The following LIPI variants were observed in gnomAD, a reference collection of about 807,000 sequenced individuals.
The protein encoded by LIPI is lipase I, also known as lipase member I.
LIPI carries 59 observed loss-of-function variants against 50.6 expected under a neutral mutation model. The observed-to-expected ratio is 1.16, with a 90% CI of 0.94 to 1.45. LIPI has a LOEUF of 1.45. Among genes scored for constraint, LIPI ranks in the 40% most tolerant of loss-of-function variants. LIPI has a pLI of 0.00. For missense variants in LIPI, 586 were observed against 536.3 expected (o/e 1.09, Z -0.92); for synonymous variants, 203 against 178.2 (o/e 1.14, Z -1.11).
At chr21:14,122,055 T>C (rs1487991225) in intron 9 of LIPI, among the ~76,000 whole-genome samples, 1 of 152,218 alleles carries the variant, frequency 6.6e-6, no homozygotes, top group East Asian at 1.9e-4. Flanking sequence ...TTTGCTGTCA[T>C]GCTATCTTTG....
chr21:14,206,933 C>T, intron 1 of LIPI: 1 of 1,553,400 alleles, frequency 6.4e-7, no homozygotes, highest in Non-Finnish European at 8.9e-7. Flanking sequence ...TAAATAAGAC[C>T]CTATCAGAAG....
In LIPI at chr21:14,189,131, T is replaced by C. The variant is rs778125047; in HGVS notation, c.335A>G (p.Asp112Gly). The change falls in exon 2 of 10, where the codon GAC (aspartate) becomes GGC (glycine). Residue 112 changes from aspartate (D) to glycine (G), a missense_variant. Asp to Gly is a moderately conservative substitution (Grantham distance 94, BLOSUM62 -1). Transcript: ENST00000681601. Reference sequence around the variant, plus strand: ...AAAAGTTGTAGCACCCCGGCTCCAGTCTACTACAATTACATTCATATCTTC... The same window carrying C: ...AAAAGTTGTAGCACCCCGGCTCCAGCCTACTACAATTACATTCATATCTTC... ...NEEDMNVIVV[D>G]WSRGATTFIY... 18 of 1,613,830 alleles carry C rather than the reference T, an allele frequency of 1.1e-5. No homozygotes were observed. The highest frequency in any genetic ancestry group is 2.2e-5 in the South Asian group (2 of 91,092).
intron 4 of LIPI, among the ~76,000 whole-genome samples, chr21:14,176,271 A>C (rs1487659787): frequency 6.6e-6 from 1 of 151,728 alleles, no homozygotes; most frequent in East Asian, 1.9e-4. Flanking sequence ...TGGCTTTTTA[A>C]ATCATCTGCA....
At chr21:14,208,619 T>C (rs1459237020) in intron 1 of LIPI, among the ~76,000 whole-genome samples, 1 of 131,250 alleles carries the variant, frequency 7.6e-6, no homozygotes, top group Non-Finnish European at 1.6e-5. Flanking sequence ...TAAAGTTGTA[T>C]TCGTGCACGT....
Position 14,128,967 on chromosome 21 carries a change from T to G in LIPI, c.1295+15656A>C, listed in dbSNP as rs374000066. 3.0e-4 allele frequency among the ~76,000 whole-genome samples: 46 copies of G among 152,146 alleles called. 2 individuals are homozygous for G. In the Middle Eastern group the frequency reaches 0.02, roughly 68 times the overall value. On this transcript the variant is annotated intron_variant, in intron 9 of 9. Coordinates refer to ENST00000681601, the MANE Select transcript of LIPI (RefSeq NM_001302998.2). ...TGAATAAAGAGTTTGAACAAGATGT[T>G]TAGAAAGTAGTAATAATACAAATTT...
At chr21:14,165,048 T>G (rs529926060) in intron 6 of LIPI, among the ~76,000 whole-genome samples, 175 bp downstream of exon 6, 1 of 152,268 alleles carries the variant, frequency 6.6e-6, no homozygotes, top group African/African-American at 2.4e-5. Flanking sequence ...TTAAAAATGT[T>G]TAGTAGGGAA....
intron 9 of LIPI, among the ~76,000 whole-genome samples, chr21:14,121,359 GTATTACCCAT>G (rs1380026718): frequency 6.6e-6 from 1 of 152,152 alleles, no homozygotes; most frequent in Non-Finnish European, 1.5e-5. Context: ...ATGGGATCAG[GTATTACCCAT>G]GGTCCTTCTC....
chr21:14,131,011 C>G (rs1169483096), intron 9 of LIPI, among the ~76,000 whole-genome samples: 5 of 152,172 alleles, frequency 3.3e-5, no homozygotes, highest in African/African-American at 1.2e-4. Context: ...AGTGCAGTGG[C>G]ACGATCTCAG....
At chr21:14,143,718 TATAAA>T (rs2017797970) in intron 9 of LIPI, 1 of 152,148 alleles carries the variant, frequency 6.6e-6, no homozygotes, top group East Asian at 1.9e-4. Context: ...ATGACCAACT[TATAAA>T]AGAGATTTTT....
At chr21:14,143,822 G>A (rs1415120155) in intron 9 of LIPI, 1 of 153,630 alleles carries the variant, frequency 6.5e-6, no homozygotes, top group Non-Finnish European at 1.5e-5. Flanking sequence ...TGTGGAACAA[G>A]GATAGTGGGA....
rs1204222123 is a variant in LIPI at position 14,165,434 on chromosome 21, C to G, written c.734-44G>C. On this transcript the variant is annotated intron_variant, in intron 5 of 9. Transcript: ENST00000681601. ...AACAAAGAACTGTAGATGTATTAAG[C>G]CATGTTCAAGTACATTTAAAAACAA... 25 of 1,423,544 alleles carry G rather than the reference C, an allele frequency of 1.8e-5. No individual in the cohort carries two copies. In the East Asian group the frequency reaches 5.7e-4, roughly 32 times the overall value. 88.2% of individuals were successfully genotyped at this position (1,423,544 alleles called of 1,614,324 possible). A position where few individuals can be genotyped will look rare whatever the true frequency, so the allele number is the denominator to read the frequency against.
intron 8 of LIPI, among the ~76,000 whole-genome samples, chr21:14,150,984 C>A (rs575829564): frequency 6.6e-6 from 1 of 152,264 alleles, no homozygotes; most frequent in East Asian, 1.9e-4. Flanking sequence ...TACATTTATA[C>A]AATCTAATAT....
chr21:14,181,350 T>C (rs1277205926), intron 4 of LIPI, among the ~76,000 whole-genome samples: 1 of 152,166 alleles, frequency 6.6e-6, no homozygotes, highest in African/African-American at 2.4e-5. Context: ...GTGGCTGAAA[T>C]GCTGTGTTCA....
In LIPI at chr21:14,187,526, T is replaced by G. The variant is rs546993943; in HGVS notation, c.433-1457A>C. Among the ~76,000 whole-genome samples the G allele has an allele frequency of 2.0e-5, 3 of 152,324 alleles. No individual in the cohort carries two copies. In the East Asian group the frequency reaches 5.8e-4, roughly 29 times the overall value. ...TCTGTAAGCAAAGGCACTGTTAGAATTTTATCTAATATTACAAATTTTCCT... is the reference window on the plus strand; with the variant it reads ...TCTGTAAGCAAAGGCACTGTTAGAAGTTTATCTAATATTACAAATTTTCCT... On this transcript the variant is annotated intron_variant, in intron 2 of 9. Transcript: ENST00000681601.
chr21:14,190,856 C>A (rs527952657), intron 1 of LIPI, among the ~76,000 whole-genome samples: 123 of 152,196 alleles, frequency 8.1e-4, no homozygotes, highest in African/African-American at 2.8e-3. Context: ...ATATCAATAC[C>A]AATCAATACA....
chr21:14,165,790 T>C (rs1568861618), intron 5 of LIPI, among the ~76,000 whole-genome samples: 1 of 152,208 alleles, frequency 6.6e-6, no homozygotes, highest in East Asian at 1.9e-4. Flanking sequence ...ACCTTCCTTT[T>C]CTTTTCCAAC....
chr21:14,135,050 G>A (rs1000053824), intron 9 of LIPI, among the ~76,000 whole-genome samples: 7 of 152,014 alleles, frequency 4.6e-5, no homozygotes, highest in Non-Finnish European at 1.0e-4. Flanking sequence ...CCTGACAATG[G>A]GTTAATACTC....
chr21:14,204,125 T>C (rs1361345835), intron 1 of LIPI, among the ~76,000 whole-genome samples: 5 of 152,010 alleles, frequency 3.3e-5, no homozygotes, highest in African/African-American at 9.7e-5. Flanking sequence ...GAAGAATATC[T>C]AATGGATGCT....
At chr21:14,167,607 T>G (rs1216975038) in intron 4 of LIPI, among the ~76,000 whole-genome samples, 1 of 151,898 alleles carries the variant, frequency 6.6e-6, no homozygotes, top group African/African-American at 2.4e-5. Context: ...GCAAACAGAG[T>G]CTGGAGTGGA....
Sources: allele counts gnomAD v4.1 joint callset (sites outside exome capture counted in the v4.1 genomes callset), GRCh38; gene constraint gnomAD v4.1.1; transcripts MANE v1.5; gene names NCBI Gene and HGNC (gene_info 2026-07-23, HGNC 2026-07-21).